The following IGDCC4 variants were observed in gnomAD, a reference collection of about 807,000 sequenced individuals.
IGDCC4 encodes immunoglobulin superfamily DCC subclass member 4.
In IGDCC4, 72 loss-of-function variants were observed where a neutral mutation model predicts 116.6. That is an observed-to-expected ratio of 0.62 (90% CI 0.51 to 0.75). The LOEUF is 0.75. IGDCC4 is among the 30% of genes least tolerant of loss of function. IGDCC4 has a pLI of 0.00. For synonymous variants in IGDCC4, 709 were observed against 719.9 expected, an observed-to-expected ratio of 0.98 and a Z score of 0.24; for missense variants, 1,501 against 1,662.4, an observed-to-expected ratio of 0.90 and a Z score of 1.69.
At position 65,411,040 on chromosome 15, in the gene IGDCC4, G is replaced by C; in HGVS notation, c.401C>G (p.Thr134Ser). Residue 134 changes from threonine to serine, a missense_variant, in exon 2 of 20, where the codon ACT becomes AGT. Physicochemically the swap from Thr to Ser is moderately conservative, Grantham distance 58. Around this residue, in one of 3 missense-constraint regions of IGDCC4, gnomAD observed 898 missense variants for 978.9 expected, o/e 0.92. Coordinates refer to ENST00000352385, the MANE Select transcript of IGDCC4 (RefSeq NM_020962.3). ...CTTACTGGCAAGCTTGACGACAGCA[G>C]TCTGGCTGGCCAGCACTCCGAGGGG... ...HGPLGVLASQ[T>S]AVVKLATLAD... The C allele has an allele frequency of 6.2e-7, 1 of 1,610,982 alleles. No homozygotes were observed. The highest frequency in any genetic ancestry group is 8.5e-7 in the Non-Finnish European group (1 of 1,177,782).
rs771448282 is a variant in IGDCC4, at chr15:65,393,361, C to A, written c.1885G>T (p.Val629Phe). ...RTPSMHNQSH[V>F]PFAPAELKVQ... ...TCCTGTCTCTCCTCTAACCCCGTAC[C>A]ATGGCTCTGGTTGTGCATACTGGGC... The change falls in exon 10 of 20, where the codon GTC (valine) becomes TTC (phenylalanine). Residue 629 changes from valine to phenylalanine, a missense_variant and splice_region_variant. This residue lies in a region of IGDCC4 where 898 missense variants were observed against 978.9 expected (regional missense o/e 0.92). Coordinates refer to ENST00000352385, the MANE Select transcript of IGDCC4 (RefSeq NM_020962.3). This position sits in a 1 kb window ranked among gnomAD's most constrained non-coding sequence, Gnocchi z 4.6. The A allele has an allele frequency of 6.2e-7, 1 of 1,609,410 alleles. No individual in the cohort carries two copies. The highest frequency in any genetic ancestry group is 1.7e-5 in the Admixed American group (1 of 59,712).
chr15:65,393,246 C>T lies in IGDCC4; in HGVS notation c.1885+115G>A. On this transcript the variant is annotated intron_variant, in intron 10 of 19. Coordinates refer to ENST00000352385, the MANE Select transcript of IGDCC4 (RefSeq NM_020962.3). This position sits in a 1 kb window ranked among gnomAD's most constrained non-coding sequence, Gnocchi z 4.6. ...CACTCACCCATCAAGCGGAGGGAGC[C>T]ATGGAAGGTCTCTGATGGAGGGCGG... 8.9e-7 allele frequency: 1 copy of T among 1,127,360 alleles called. No homozygotes were observed. The highest frequency in any genetic ancestry group is 1.2e-6 in the Non-Finnish European group (1 of 833,704). The allele number at this position is 1,127,360 out of a possible 1,614,324, so 69.8% of individuals were successfully genotyped here. A position where few individuals can be genotyped will look rare whatever the true frequency, so the allele number is the denominator to read the frequency against.
chr15:65,400,720 A>G (rs1208369207), intron 5 of IGDCC4, 86 bp downstream of exon 5: 1 of 1,485,634 alleles, frequency 6.7e-7, no homozygotes, highest in Non-Finnish European at 9.1e-7. Context: ...CTGGGTCGTC[A>G]CCCATACATC....
chr15:65,391,752 T>C (rs886964983), intron 12 of IGDCC4, 128 bp downstream of exon 12: 32 of 750,488 alleles, frequency 4.3e-5, no homozygotes, highest in African/African-American at 3.8e-4. Context: ...CCTAGGAGAA[T>C]GGGTTTGGGC....
chr15:65,384,132 G>A lies in IGDCC4; in HGVS notation c.3630C>T (p.Tyr1210=), dbSNP rs1047330641. 5.6e-6 allele frequency: 9 copies of A among 1,613,470 alleles called. No individual in the cohort carries two copies. Among genetic ancestry groups the A allele is most frequent in the Non-Finnish European group, 6.8e-6 (8 of 1,179,818 alleles). ...GCACCTCGCCTGGCTGGAGGTCCGG[G>A]TAGGAGCAGGAAGCACTGGCTGCCT... ...LPEAASASCS[Y]PDLQPGEVLE... The change falls in exon 20 of 20, where the codon TAC becomes TAT. Residue 1210 remains tyrosine (Y), a synonymous_variant. Transcript: ENST00000352385. This position sits in a 1 kb window ranked among gnomAD's most constrained non-coding sequence, Gnocchi z 4.9.
Position 65,392,149 on chromosome 15 carries a change from C to T in IGDCC4, c.2107G>A (p.Glu703Lys). The T allele has an allele frequency of 6.2e-7, 1 of 1,610,702 alleles. No individual in the cohort carries two copies. Among genetic ancestry groups the T allele is most frequent in the East Asian group, 2.2e-5 (1 of 44,828 alleles). ...CCCTCCTCACCTAGCTGGGTCAGCT[C>T]ATACTGCTTCACTTTCTTCTTGAGC... Reference protein sequence around the residue: ...VRLKKKVKQYELTQLVPGRLY... With the variant: ...VRLKKKVKQYKLTQLVPGRLY... The change falls in exon 11 of 20, where the codon GAG becomes AAG. Residue 703 changes from glutamate (E) to lysine (K), a missense_variant. Physicochemically the swap from Glu to Lys is moderately conservative, Grantham distance 56 (BLOSUM62 1). Around this residue, in one of 3 missense-constraint regions of IGDCC4, gnomAD observed 898 missense variants for 978.9 expected, o/e 0.92. Transcript: ENST00000352385.
At position 65,399,447 on chromosome 15, in the gene IGDCC4, CAAAAAAAA is replaced by C. The variant is rs112040935; in HGVS notation, c.841+1351_841+1358del. On this transcript the variant is annotated intron_variant, in intron 5 of 19. Coordinates refer to ENST00000352385, the MANE Select transcript of IGDCC4 (RefSeq NM_020962.3). ...ATTGCACTCCAGCCTGGGTGACAGG[CAAAAAAAA>C]AAAAAAAAAAAAAAAAGATTCCTGG... 8.8e-3 allele frequency among the ~76,000 whole-genome samples: 630 copies of C among 71,194 alleles called. 3 individuals carry two copies. Among genetic ancestry groups the C allele is most frequent in the African/African-American group, 0.025 (600 of 23,546 alleles). The allele number at this position is 71,194 out of a possible 152,430, so 46.7% of individuals were successfully genotyped here. A position where few individuals can be genotyped will look rare whatever the true frequency, so the allele number is the denominator to read the frequency against.
chr15:65,416,554 T>A (rs1201152331), intron 1 of IGDCC4, among the ~76,000 whole-genome samples: 1 of 151,384 alleles, frequency 6.6e-6, no homozygotes, highest in East Asian at 2.0e-4. Flanking sequence ...GAGGGGACCT[T>A]ATTTGTCCAG....
At chr15:65,398,679 C>T (rs1378939853) in intron 5 of IGDCC4, among the ~76,000 whole-genome samples, 1 of 151,800 alleles carries the variant, frequency 6.6e-6, no homozygotes, top group Non-Finnish European at 1.5e-5. Flanking sequence ...ATCACGAGGT[C>T]AGGAGATGGA....
At chr15:65,398,533 CAAAAAAAAA>C (rs3082803) in intron 5 of IGDCC4, among the ~76,000 whole-genome samples, 6 of 77,666 alleles carry the variant, frequency 7.7e-5, no homozygotes, top group Middle Eastern at 9.3e-3. Flanking sequence ...AACTCCATCT[CAAAAAAAAA>C]AAAAAAAAAA....
intron 5 of IGDCC4, among the ~76,000 whole-genome samples, chr15:65,399,360 C>A (rs2062961172): frequency 1.4e-5 from 2 of 146,602 alleles, no homozygotes; most frequent in Admixed American, 1.4e-4. Context: ...ACTCAGAAGG[C>A]TGAGGTAGGA....
At chr15:65,394,379 T>C (rs1185847530) in intron 9 of IGDCC4, 32 bp downstream of exon 9, 3 of 1,611,578 alleles carry the variant, frequency 1.9e-6, no homozygotes, top group Non-Finnish European at 2.5e-6. Flanking sequence ...ATCATTCCCA[T>C]ACATGCCTGC....
intron 1 of IGDCC4, among the ~76,000 whole-genome samples, chr15:65,422,519 A>AACACACACACAC (rs140587709): frequency 0.021 from 2,699 of 131,260 alleles, 59 homozygotes; most frequent in African/African-American, 0.026. Context: ...GAGCACTCCC[A>AACACACACACAC]ACACACACAC....
chr15:65,422,785 G>C lies in IGDCC4; in HGVS notation c.70+8C>G. The C allele has an allele frequency of 7.5e-7, 1 of 1,325,220 alleles. No individual in the cohort carries two copies. Among genetic ancestry groups the C allele is most frequent in the South Asian group, 1.9e-5 (1 of 53,752 alleles). 82.1% of individuals were successfully genotyped at this position (1,325,220 alleles called of 1,614,324 possible). A position where few individuals can be genotyped will look rare whatever the true frequency, so the allele number is the denominator to read the frequency against. On this transcript the variant is annotated splice_region_variant and intron_variant, in intron 1 of 19. Transcript: ENST00000352385. ...GTCGCTCCTGCCTCTCCGGGCGCCC[G>C]CCCTTACCGCGCGCGGCCAACAGGC...
intron 1 of IGDCC4, 73 bp downstream of exon 1, chr15:65,422,720 C>A: frequency 8.4e-7 from 1 of 1,184,822 alleles, no homozygotes; most frequent in Non-Finnish European, 1.1e-6. Flanking sequence ...AGCCCCGCAG[C>A]CCGATGCAGA....
At chr15:65,390,520 T>C (rs1405041430) in intron 12 of IGDCC4, among the ~76,000 whole-genome samples, 182 bp from the exon 13 acceptor site, 1 of 152,220 alleles carries the variant, frequency 6.6e-6, no homozygotes, top group African/African-American at 2.4e-5. Context: ...GATTTTTGAC[T>C]GTGGAACACT....
In IGDCC4 at chr15:65,385,209, G is replaced by A. The variant is rs1192167978; in HGVS notation, c.3181-94C>T. On this transcript the variant is annotated intron_variant, in intron 18 of 19. Transcript: ENST00000352385. ...GAGGGAATTGGGATGGGCCGCGGGG[G>A]AGCAGGGTCCAGACTGTCACCCGCT... 9.1e-6 allele frequency: 12 copies of A among 1,322,176 alleles called. No individual in the cohort carries two copies. In the East Asian group the frequency reaches 2.4e-4, roughly 26 times the overall value. The allele number at this position is 1,322,176 out of a possible 1,614,324, so 81.9% of individuals were successfully genotyped here. A position where few individuals can be genotyped will look rare whatever the true frequency, so the allele number is the denominator to read the frequency against.
In IGDCC4 at chr15:65,396,036, C is replaced by T. The variant is rs1470085623; in HGVS notation, c.1125G>A (p.Leu375=). 2 of 1,463,338 alleles carry T rather than the reference C, an allele frequency of 1.4e-6. No homozygotes were observed. The highest frequency in any genetic ancestry group is 2.8e-5 in the South Asian group (2 of 72,564). 90.6% of individuals were successfully genotyped at this position (1,463,338 alleles called of 1,614,324 possible). A position where few individuals can be genotyped will look rare whatever the true frequency, so the allele number is the denominator to read the frequency against. The change falls in exon 7 of 20, where the codon CTG becomes CTA. Residue 375 remains leucine (L), a synonymous_variant. Transcript: ENST00000352385. ...ALRWLHNGAP[L]RPNGRVKVQG... is the part of the protein sequence containing the mutation. ...GGACCTTGACGCGCCCGTTGGGCCG[C>T]AGCGGCGCCCCGTTGTGCAGCCAGC... is the stretch of plus-strand genomic sequence containing the variant.
intron 4 of IGDCC4, among the ~76,000 whole-genome samples, chr15:65,402,079 C>T (rs944033401): frequency 3.9e-5 from 6 of 152,172 alleles, no homozygotes; most frequent in African/African-American, 1.4e-4. Flanking sequence ...CCCCAGCCTT[C>T]GACACTGCAT....
Sources: allele counts gnomAD v4.1 joint callset (sites outside exome capture counted in the v4.1 genomes callset), GRCh38; gene constraint gnomAD v4.1.1; regional missense constraint gnomAD v4.1.1; non-coding constraint Gnocchi (gnomAD v3.1); transcripts MANE v1.5; gene names NCBI Gene and HGNC (gene_info 2026-07-23, HGNC 2026-07-21).